PPIP5K2: variants seen among roughly 807,000 people sequenced by gnomAD.
PPIP5K2 encodes the protein inositol hexakisphosphate and diphosphoinositol-pentakisphosphate kinase 2.
In PPIP5K2, 105 loss-of-function variants were observed where a neutral mutation model predicts 154.6. That is an observed-to-expected ratio of 0.68 (90% CI 0.58 to 0.80). The LOEUF is 0.80. Ranked by LOEUF, PPIP5K2 falls within the 30% of genes least tolerant of loss-of-function variation. The pLI is 0.00. For missense variants in PPIP5K2, 992 were observed against 1,504.6 expected (o/e 0.66, Z 5.64); for synonymous variants, 480 against 490.3 (o/e 0.98, Z 0.28).
At chr5:103,171,746 A>T (rs1463872816) in intron 19 of PPIP5K2, among the ~76,000 whole-genome samples, 2 of 151,634 alleles carry the variant, frequency 1.3e-5, no homozygotes, top group Non-Finnish European at 3.0e-5. Flanking sequence ...TCTTTCCTTA[A>T]ATTTATTTAC....
chr5:103,166,512 G>A (rs899803922), intron 17 of PPIP5K2, among the ~76,000 whole-genome samples: 5 of 152,076 alleles, frequency 3.3e-5, no homozygotes, highest in Middle Eastern at 6.8e-3. Flanking sequence ...CTGCATTGAC[G>A]TGGGTAAATT....
chr5:103,173,350 A>T (rs1798240926), intron 20 of PPIP5K2, 68 bp downstream of exon 20: 4 of 1,509,962 alleles, frequency 2.6e-6, no homozygotes, highest in Non-Finnish European at 3.6e-6. Flanking sequence ...TTTAAATTAT[A>T]CTTTGATGGT....
At position 103,177,977 on chromosome 5, in the gene PPIP5K2, A is replaced by G. The variant is rs1554221548; in HGVS notation, c.2751A>G (p.Arg917=). 6.3e-7 allele frequency: 1 copy of G among 1,581,498 alleles called. No individual in the cohort carries two copies. The part of the protein sequence containing the change: ...PSGYGYRPAS[R]ENEGRRPFKI... ...GCTATGGATATAGACCAGCTTCCAG[A>G]GAGGTAATGAAGGTGGAACTCTCAG... Residue 917 remains arginine (R), a synonymous_variant, in exon 23 of 31, where the codon AGA becomes AGG. Coordinates refer to ENST00000358359, the MANE Select transcript of PPIP5K2 (RefSeq NM_001276277.3).
chr5:103,160,777 A>G (rs1796095909), intron 17 of PPIP5K2, among the ~76,000 whole-genome samples: 1 of 152,096 alleles, frequency 6.6e-6, no homozygotes, highest in Non-Finnish European at 1.5e-5. Flanking sequence ...TATTATTGTT[A>G]GAGTTTTGGA....
intron 28 of PPIP5K2, chr5:103,189,141 A>T: frequency 6.7e-7 from 1 of 1,495,500 alleles, no homozygotes; most frequent in Non-Finnish European, 9.0e-7. Context: ...ACAGTGCTTT[A>T]CCTTATTTTC....
intron 30 of PPIP5K2, among the ~76,000 whole-genome samples, chr5:103,200,409 T>C (rs1219210155): frequency 6.6e-6 from 1 of 151,632 alleles, no homozygotes; most frequent in Non-Finnish European, 1.5e-5. Context: ...TTCCATATTA[T>C]TCCCTTTTTC....
intron 6 of PPIP5K2, among the ~76,000 whole-genome samples, chr5:103,147,495 C>G (rs781844970): frequency 2.0e-5 from 3 of 151,908 alleles, no homozygotes; most frequent in Non-Finnish European, 4.4e-5. Context: ...ACCTTAGAAA[C>G]ACTCATACAT....
At chr5:103,201,179 T>C (rs1170118841) in intron 30 of PPIP5K2, among the ~76,000 whole-genome samples, 5 of 152,230 alleles carry the variant, frequency 3.3e-5, no homozygotes, top group Non-Finnish European at 7.3e-5. Context: ...TGTATATACA[T>C]ATCTTGAGCT....
intron 19 of PPIP5K2, among the ~76,000 whole-genome samples, chr5:103,170,727 A>C (rs1488692307): frequency 1.3e-5 from 2 of 151,394 alleles, no homozygotes; most frequent in African/African-American, 4.8e-5. Context: ...AGGCCTCATA[A>C]ATACAAAAAC....
rs782058655 is a variant in PPIP5K2 at position 103,136,712 on chromosome 5, TTAA to T, written c.311-14_311-12del. On this transcript the variant is annotated splice_polypyrimidine_tract_variant and intron_variant, in intron 3 of 30. Coordinates refer to ENST00000358359, the MANE Select transcript of PPIP5K2 (RefSeq NM_001276277.3). ...TTATCTTGAGATAATACAGAATATG[TTAA>T]TAATATGTGTTCTTAGGATTTCCAC... 15 of 1,575,242 alleles carry T rather than the reference TTAA, an allele frequency of 9.5e-6. No individual in the cohort carries two copies. The African/African-American group carries it at 1.8e-4, about 18-fold the overall frequency.
At chr5:103,183,519 G>C (rs1799902524) in intron 25 of PPIP5K2, 112 bp downstream of exon 25, 2 of 940,208 alleles carry the variant, frequency 2.1e-6, no homozygotes, top group African/African-American at 1.8e-5. Context: ...AAATCCTTCT[G>C]TTTTTTAATT....
chr5:103,146,740 A>G, intron 6 of PPIP5K2, 59 bp downstream of exon 6: 1 of 1,389,754 alleles, frequency 7.2e-7, no homozygotes, highest in Non-Finnish European at 9.7e-7. Flanking sequence ...GTGTATTATT[A>G]AAAGCAATCA....
At chr5:103,147,349 G>A (rs1392923884) in intron 6 of PPIP5K2, among the ~76,000 whole-genome samples, 1 of 151,902 alleles carries the variant, frequency 6.6e-6, no homozygotes, top group Non-Finnish European at 1.5e-5. Context: ...GTGTAAACAA[G>A]GATGTAGAAC....
chr5:103,120,578 G>C (rs548533578), intron 1 of PPIP5K2, 90 bp downstream of exon 1: 1 of 453,932 alleles, frequency 2.2e-6, no homozygotes, highest in East Asian at 7.0e-5. Flanking sequence ...TTTGTCTCCT[G>C]TGCTCTGCAG....
intron 23 of PPIP5K2, 138 bp downstream of exon 23, chr5:103,178,118 A>C (rs1798982118): frequency 1.5e-6 from 1 of 651,570 alleles, no homozygotes; most frequent in African/African-American, 1.8e-5. Flanking sequence ...AATTTTTTAA[A>C]GTGTGATTTG....
At chr5:103,193,483 C>T (rs1335118277) in intron 29 of PPIP5K2, among the ~76,000 whole-genome samples, 1 of 151,566 alleles carries the variant, frequency 6.6e-6, no homozygotes, top group Non-Finnish European at 1.5e-5. Context: ...TAAAAGATAG[C>T]TTACAATGGG....
intron 21 of PPIP5K2, 181 bp downstream of exon 21, chr5:103,174,153 C>T: frequency 2.1e-6 from 1 of 479,726 alleles, no homozygotes; most frequent in Non-Finnish European, 3.6e-6. Flanking sequence ...AAGATGTTCT[C>T]TTCAGAGAAG....
intron 5 of PPIP5K2, among the ~76,000 whole-genome samples, chr5:103,139,794 G>A (rs1792240337): frequency 6.6e-6 from 1 of 152,130 alleles, no homozygotes; most frequent in African/African-American, 2.4e-5. Context: ...CATGGAGAAG[G>A]AATCAGAATT....
intron 30 of PPIP5K2, among the ~76,000 whole-genome samples, chr5:103,201,152 A>G (rs1213781575): frequency 6.6e-6 from 1 of 152,234 alleles, no homozygotes; most frequent in Non-Finnish European, 1.5e-5. Flanking sequence ...TCTTTAAAGA[A>G]AGTTTCAATT....
Sources: allele counts gnomAD v4.1 joint callset (sites outside exome capture counted in the v4.1 genomes callset), GRCh38; gene constraint gnomAD v4.1.1; transcripts MANE v1.5; gene names NCBI Gene and HGNC (gene_info 2026-07-23, HGNC 2026-07-21).